CFAP54: variants seen among roughly 807,000 people sequenced by gnomAD.
CFAP54 encodes the protein cilia- and flagella-associated protein 54.
A neutral mutation model predicts 370.4 loss-of-function variants in CFAP54; 290 were observed. That is an observed-to-expected ratio of 0.78 (90% CI 0.71 to 0.86). The LOEUF (loss-of-function observed/expected upper bound fraction) is 0.86. Ranked by LOEUF, CFAP54 falls within the 40% of genes least tolerant of loss-of-function variation. The pLI, the probability that CFAP54 is intolerant of heterozygous loss-of-function variation, is 0.00. For synonymous variants in CFAP54, 1,206 were observed against 1,236.5 expected, an observed-to-expected ratio of 0.98 and a Z score of 0.52; for missense variants, 3,399 against 3,528.7, an observed-to-expected ratio of 0.96 and a Z score of 0.93.
At chr12:96,698,521 A>T (rs372917876) in intron 45 of CFAP54, among the ~76,000 whole-genome samples, 2 of 152,214 alleles carry the variant, frequency 1.3e-5, no homozygotes, top group South Asian at 4.1e-4. Context: ...TGTCCTTTGC[A>T]GCAACCTGCA....
intron 32 of CFAP54, among the ~76,000 whole-genome samples, chr12:96,632,677 C>G (rs1254410286): frequency 6.6e-6 from 1 of 151,924 alleles, no homozygotes; most frequent in Non-Finnish European, 1.5e-5. Flanking sequence ...ACAAGTTTCT[C>G]CAGAATATTC....
intron 66 of CFAP54, among the ~76,000 whole-genome samples, chr12:96,853,870 C>T (rs1206008634): frequency 6.6e-6 from 1 of 151,678 alleles, no homozygotes; most frequent in Non-Finnish European, 1.5e-5. Flanking sequence ...TAATCTTCAT[C>T]CTTTGACAAA....
chr12:96,520,787 T>C (rs1238897454), intron 6 of CFAP54, among the ~76,000 whole-genome samples: 1 of 152,254 alleles, frequency 6.6e-6, no homozygotes, highest in Admixed American at 6.5e-5. Flanking sequence ...TGTGTAGGAC[T>C]GCCTTCATGG....
rs952331449 is a variant in CFAP54 at position 96,547,930 on chromosome 12, A to T, written c.2106A>T (p.Lys702Asn). 25 of 1,506,384 alleles carry T rather than the reference A, an allele frequency of 1.7e-5. No homozygotes were observed. Among genetic ancestry groups the T allele is most frequent in the Middle Eastern group, 3.4e-4 (2 of 5,930 alleles). The allele number at this position is 1,506,384 out of a possible 1,614,324, so 93.3% of individuals were successfully genotyped here. A position where few individuals can be genotyped will look rare whatever the true frequency, so the allele number is the denominator to read the frequency against. Residue 702 changes from lysine (K) to asparagine (N), a missense_variant, in exon 15 of 68, where the codon AAA becomes AAT. Physicochemically the swap from Lys to Asn is moderately conservative, Grantham distance 94. Coordinates refer to ENST00000524981, the MANE Select transcript of CFAP54 (RefSeq NM_001306084.2). ...LDVPLREGTN[K>N]FPGAPKGITE... is the part of the protein sequence containing the mutation. ...TACCTTTAAGAGAAGGGACTAACAA[A>T]TTCCCTGGAGCTCCAAAAGGGATCA...
In CFAP54 at chr12:96,812,891, C is replaced by G. The variant is rs145907660; in HGVS notation, c.8957+1049C>G. On this transcript the variant is annotated intron_variant, in intron 64 of 67. Coordinates refer to ENST00000524981, the MANE Select transcript of CFAP54 (RefSeq NM_001306084.2). ...CTTTTCTTCTTTTCTCCTCTTCTCT[C>G]CTGTTCTTCCCTTCCTTCCCTCCAC... Among the ~76,000 whole-genome samples, 333 of 152,202 alleles carry G rather than the reference C, an allele frequency of 2.2e-3. 9 individuals carry two copies. In the East Asian group the frequency reaches 0.056, roughly 26 times the overall value.
chr12:96,736,209 C>G (rs1957978537), intron 50 of CFAP54, among the ~76,000 whole-genome samples: 2 of 152,162 alleles, frequency 1.3e-5, no homozygotes, highest in Non-Finnish European at 2.9e-5. Context: ...CTGGAATCAC[C>G]TCGTTCCATC....
Position 96,538,453 on chromosome 12 carries a change from A to T in CFAP54, c.1861A>T (p.Ile621Phe). 6.5e-7 allele frequency: 1 copy of T among 1,536,154 alleles called. No individual in the cohort carries two copies. Among genetic ancestry groups the T allele is most frequent in the South Asian group, 1.2e-5 (1 of 84,058 alleles). Residue 621 changes from isoleucine (I) to phenylalanine (F), a missense_variant, in exon 13 of 68, where the codon ATT becomes TTT. Ile to Phe is a conservative substitution (Grantham distance 21). Around this residue, in one of 3 missense-constraint regions of CFAP54, gnomAD observed 2,796 missense variants for 2,869.7 expected, o/e 0.97. Transcript: ENST00000524981. ...MFLWQKCKLG[I>F]QRLNISRNDY... The stretch of plus-strand genomic sequence containing the variant: ...CCTATGGCAGAAATGCAAATTAGGA[A>T]TTCAGCGGCTCAATATATCCAGAAA...
At chr12:96,750,722 A>G (rs552296374) in intron 55 of CFAP54, among the ~76,000 whole-genome samples, 1 of 152,318 alleles carries the variant, frequency 6.6e-6, no homozygotes, top group South Asian at 2.1e-4. Context: ...CTGACTTACT[A>G]ATCTTGAGGA....
chr12:96,648,744 G>A (rs573111704), intron 34 of CFAP54, among the ~76,000 whole-genome samples: 13 of 151,764 alleles, frequency 8.6e-5, no homozygotes, highest in African/African-American at 2.9e-4. Context: ...ACGTGCCACC[G>A]CGCCTGGCTA....
At chr12:96,646,239 TCAAA>T (rs1354422022) in intron 33 of CFAP54, 1 of 151,972 alleles carries the variant, frequency 6.6e-6, no homozygotes, top group East Asian at 1.9e-4. Context: ...TACAATGAAC[TCAAA>T]CAAATTTACA....
chr12:96,717,772 A>G (rs1957701911), intron 48 of CFAP54, among the ~76,000 whole-genome samples: 1 of 152,190 alleles, frequency 6.6e-6, no homozygotes, highest in Non-Finnish European at 1.5e-5. Context: ...GATCTTATTG[A>G]AATGTTAGAA....
At chr12:96,551,598 T>C (rs1955695346) in intron 15 of CFAP54, among the ~76,000 whole-genome samples, 2 of 151,820 alleles carry the variant, frequency 1.3e-5, no homozygotes, top group South Asian at 4.2e-4. Context: ...AAATACATAA[T>C]GCAATACATT....
chr12:96,563,626 C>T (rs1283592270), intron 17 of CFAP54, among the ~76,000 whole-genome samples: 1 of 152,078 alleles, frequency 6.6e-6, no homozygotes, highest in South Asian at 2.1e-4. Flanking sequence ...CTGCAGATGC[C>T]TTCTATTCTT....
At chr12:96,739,499 T>A (rs1198271170) in intron 50 of CFAP54, among the ~76,000 whole-genome samples, 1 of 152,144 alleles carries the variant, frequency 6.6e-6, no homozygotes, top group African/African-American at 2.4e-5. Flanking sequence ...CTAAGTGTAA[T>A]AGCATTAGGT....
intron 39 of CFAP54, among the ~76,000 whole-genome samples, chr12:96,670,274 GTT>G (rs1411641393): frequency 6.6e-6 from 1 of 152,156 alleles, no homozygotes; most frequent in African/African-American, 2.4e-5. Context: ...GGATTATCAT[GTT>G]TAATTACTAT....
rs1956153629 is a variant in CFAP54 at position 96,594,295 on chromosome 12, C to G, written c.3365C>G (p.Ala1122Gly). The part of the protein sequence containing the change: ...GNEIFPSQQI[A>G]RLIECERVLV... ...ACAATGCCTGTTTCTTTACAGATTG[C>G]CAGACTGATTGAATGTGAGAGAGTA... Residue 1122 changes from alanine to glycine, a missense_variant, in exon 25 of 68, where the codon GCC (alanine) becomes GGC (glycine). Around this residue, in one of 3 missense-constraint regions of CFAP54, gnomAD observed 2,796 missense variants for 2,869.7 expected, o/e 0.97. Coordinates refer to ENST00000524981, the MANE Select transcript of CFAP54 (RefSeq NM_001306084.2). 5 of 1,524,538 alleles carry G rather than the reference C, an allele frequency of 3.3e-6. No individual in the cohort carries two copies. Among genetic ancestry groups the G allele is most frequent in the Non-Finnish European group, 4.4e-6 (5 of 1,139,276 alleles). The allele number at this position is 1,524,538 out of a possible 1,614,324, so 94.4% of individuals were successfully genotyped here.
Position 96,558,097 on chromosome 12 carries a change from T to G in CFAP54, c.2410+3295T>G, listed in dbSNP as rs561163074. Among the ~76,000 whole-genome samples the G allele has an allele frequency of 4.6e-5, 7 of 152,286 alleles. 1 individual carries two copies. Among genetic ancestry groups the G allele is most frequent in the African/African-American group, 1.4e-4 (6 of 41,576 alleles). On this transcript the variant is annotated intron_variant, in intron 17 of 67. Coordinates refer to ENST00000524981, the MANE Select transcript of CFAP54 (RefSeq NM_001306084.2). ...GAAAAGCATATAGGTAGATGTAAGTTACTGCTAATGTTCCAGTTCTGGTGC... is the reference window on the plus strand; with the variant it reads ...GAAAAGCATATAGGTAGATGTAAGTGACTGCTAATGTTCCAGTTCTGGTGC...
intron 40 of CFAP54, among the ~76,000 whole-genome samples, chr12:96,681,911 T>C (rs993780155): frequency 6.6e-6 from 1 of 152,142 alleles, no homozygotes; most frequent in African/African-American, 2.4e-5. Context: ...TCTGTAGTGC[T>C]TGTGATGAGA....
chr12:96,558,617 A>G (rs1352917818), intron 17 of CFAP54, among the ~76,000 whole-genome samples: 2 of 152,162 alleles, frequency 1.3e-5, no homozygotes, highest in Non-Finnish European at 2.9e-5. Context: ...TTTGACAAAC[A>G]TACACTGGAG....
Sources: gnomAD v4.1 joint callset for allele counts (sites outside exome capture counted in the v4.1 genomes callset) on GRCh38, gnomAD v4.1.1 for gene constraint, gnomAD v4.1.1 regional missense constraint, MANE v1.5 for transcripts, NCBI Gene and HGNC (gene_info 2026-07-23, HGNC 2026-07-21) for gene names.